The following PHACTR2 variants were observed in gnomAD, a reference collection of about 807,000 sequenced individuals.
PHACTR2 encodes chromosome 6 open reading frame 56.
PHACTR2 carries 30 observed loss-of-function variants against 76.0 expected under a neutral mutation model. The observed-to-expected ratio is 0.39, with a 90% confidence interval of 0.30 to 0.54. PHACTR2 has a LOEUF of 0.54. PHACTR2 is among the 20% of genes least tolerant of loss of function. The pLI is 0.61. For synonymous variants in PHACTR2, 292 were observed against 292.5 expected, an observed-to-expected ratio of 1.00 and a Z score of 0.02; for missense variants, 696 against 781.1, an observed-to-expected ratio of 0.89 and a Z score of 1.30.
At chr6:143,786,611 A>C (rs1343924242) in intron 10 of PHACTR2, among the ~76,000 whole-genome samples, 2 of 152,226 alleles carry the variant, frequency 1.3e-5, no homozygotes, top group Non-Finnish European at 2.9e-5. Context: ...GACTGGGAAG[A>C]AAAAGAGGTT....
rs1261122116 is a variant in PHACTR2, at chr6:143,547,467, C to T, written c.217+10260C>T. Among the ~76,000 whole-genome samples the T allele has an allele frequency of 3.9e-5, 6 of 152,148 alleles. No homozygotes were observed. Among genetic ancestry groups the T allele is most frequent in the African/African-American group, 1.4e-4 (6 of 41,430 alleles). ...CACTGCGTACCTCCAAAATATATAA[C>T]CACACAAGGTCATATGTGCTAACCA... On this transcript the variant is annotated intron_variant, in intron 1 of 11. Transcript: ENST00000367584. The surrounding 1 kb of genome is among the most constrained non-coding windows in gnomAD (Gnocchi z 4.2).
rs1254996674 is a variant in PHACTR2, at chr6:143,653,228, G to C, written c.13+44906G>C. The stretch of plus-strand genomic sequence containing the variant: ...TGTGCATCGAGACTCGAGCTGCTTT[G>C]GAGTTTCCCTCTGGATTTTAGTCAA... On this transcript the variant is annotated intron_variant, in intron 1 of 11. Coordinates refer to the PHACTR2 transcript ENST00000305766. The surrounding 1 kb of genome is among the most constrained non-coding windows in gnomAD (Gnocchi z 4.9). Among the ~76,000 whole-genome samples, 1 of 152,112 alleles carries C rather than the reference G, an allele frequency of 6.6e-6. No individual in the cohort carries two copies. The highest frequency in any genetic ancestry group is 1.5e-5 in the Non-Finnish European group (1 of 68,008).
intron 1 of PHACTR2, among the ~76,000 whole-genome samples, chr6:143,687,994 C>T (rs548713441): frequency 1.3e-5 from 2 of 152,170 alleles, no homozygotes; most frequent in Non-Finnish European, 2.9e-5. Context: ...GCCCACAAAG[C>T]GTCCAGTCTA....
chr6:143,628,010 T>G (rs1262196826), intron 1 of PHACTR2, among the ~76,000 whole-genome samples: 1 of 152,188 alleles, frequency 6.6e-6, no homozygotes, highest in Non-Finnish European at 1.5e-5. Context: ...ATTTACCTAT[T>G]TGGGATATTT....
intron 2 of PHACTR2, among the ~76,000 whole-genome samples, chr6:143,735,988 C>A (rs7738780): frequency 6.6e-6 from 1 of 150,632 alleles, no homozygotes; most frequent in Non-Finnish European, 1.5e-5. Context: ...TGATAACTAA[C>A]TCATTGAGTA....
chr6:143,729,643 A>G (rs1778657546), intron 2 of PHACTR2, among the ~76,000 whole-genome samples: 1 of 152,140 alleles, frequency 6.6e-6, no homozygotes, highest in Non-Finnish European at 1.5e-5. Flanking sequence ...CAATAAGCAT[A>G]TATTGTTCTT....
chr6:143,766,282 G>A (rs1160318863), intron 6 of PHACTR2, among the ~76,000 whole-genome samples: 1 of 152,146 alleles, frequency 6.6e-6, no homozygotes, highest in Admixed American at 6.5e-5. Context: ...CAGCTTAAAT[G>A]TTATGTCCTC....
intron 1 of PHACTR2, among the ~76,000 whole-genome samples, chr6:143,574,377 G>A (rs145142823): frequency 6.6e-6 from 1 of 152,324 alleles, no homozygotes; most frequent in African/African-American, 2.4e-5. Context: ...TCAAGGCTAA[G>A]GGATTGTACA....
At position 143,570,988 on chromosome 6, in the gene PHACTR2, A is replaced by C. The variant is rs935838831; in HGVS notation, c.217+33781A>C. Among the ~76,000 whole-genome samples the C allele has an allele frequency of 6.6e-6, 1 of 152,222 alleles. No individual in the cohort carries two copies. Among genetic ancestry groups the C allele is most frequent in the South Asian group, 2.1e-4 (1 of 4,830 alleles). On this transcript the variant is annotated intron_variant, in intron 1 of 11. Transcript: ENST00000367584. The surrounding 1 kb of genome is among the most constrained non-coding windows in gnomAD (Gnocchi z 4.6). ...TATATTCCTATTTTTCATGAAATTT[A>C]AAAAACTTTCTAATTTAAGATCATT... is the stretch of plus-strand genomic sequence containing the variant.
chr6:143,669,494 T>C (rs1777106037), intron 1 of PHACTR2, among the ~76,000 whole-genome samples: 1 of 152,224 alleles, frequency 6.6e-6, no homozygotes, highest in Non-Finnish European at 1.5e-5. Context: ...CCACTATTAT[T>C]GCATGGGAGT....
intron 1 of PHACTR2, among the ~76,000 whole-genome samples, chr6:143,552,193 G>T (rs1307775018): frequency 6.7e-6 from 1 of 150,166 alleles, no homozygotes; most frequent in Non-Finnish European, 1.5e-5. Flanking sequence ...GCCACAGCTG[G>T]AAAAAAAAAA....
intron 1 of PHACTR2, among the ~76,000 whole-genome samples, chr6:143,552,888 GAAAAAAAAAA>G (rs35606517): frequency 6.0e-5 from 7 of 116,650 alleles, no homozygotes; most frequent in African/African-American, 2.3e-4. Context: ...ATCTCAAAAA[GAAAAAAAAAA>G]AAAAAAAAAA....
intron 11 of PHACTR2, among the ~76,000 whole-genome samples, chr6:143,802,479 A>T (rs947027908): frequency 2.1e-5 from 3 of 145,128 alleles, no homozygotes; most frequent in East Asian, 4.0e-4. Flanking sequence ...ATCTCCACAA[A>T]TTTTTTTTTT....
intron 1 of PHACTR2, among the ~76,000 whole-genome samples, chr6:143,660,424 A>G (rs956219812): frequency 2.0e-5 from 3 of 152,128 alleles, no homozygotes; most frequent in Admixed American, 6.6e-5. Context: ...CATATTCACT[A>G]TCACAAGAAC....
At chr6:143,691,527 T>C (rs1261323168) in intron 1 of PHACTR2, among the ~76,000 whole-genome samples, 1 of 152,216 alleles carries the variant, frequency 6.6e-6, no homozygotes, top group Non-Finnish European at 1.5e-5. Context: ...GTTAATATTA[T>C]AAGCAGCAAA....
chr6:143,682,736 T>C (rs992679910), intron 1 of PHACTR2, among the ~76,000 whole-genome samples: 3 of 151,934 alleles, frequency 2.0e-5, no homozygotes, highest in African/African-American at 7.3e-5. Flanking sequence ...TGTGAGCATT[T>C]TTGTCTTGTT....
chr6:143,790,406 T>C (rs1471881731), intron 11 of PHACTR2, among the ~76,000 whole-genome samples: 2 of 151,994 alleles, frequency 1.3e-5, no homozygotes, highest in East Asian at 1.9e-4. Flanking sequence ...TCAGTACTTA[T>C]GTGAAAGAGG....
chr6:143,656,793 G>A lies in PHACTR2; in HGVS notation c.13+48471G>A, dbSNP rs529868191. On this transcript the variant is annotated intron_variant, in intron 1 of 11. Transcript: ENST00000305766. This position sits in a 1 kb window ranked among gnomAD's most constrained non-coding sequence, Gnocchi z 5.3. ...AGCATGTCTGTTAGTTTTGCAATCCGCAAAAAGATGAACACAATAGACATG... is the reference window on the plus strand; with the variant it reads ...AGCATGTCTGTTAGTTTTGCAATCCACAAAAAGATGAACACAATAGACATG... Among the ~76,000 whole-genome samples, 7 of 152,110 alleles carry A rather than the reference G, an allele frequency of 4.6e-5. No homozygotes were observed. Among genetic ancestry groups the A allele is most frequent in the South Asian group, 2.1e-4 (1 of 4,806 alleles).
In PHACTR2 at chr6:143,539,232, T is replaced by G. The variant is rs1464967817; in HGVS notation, c.217+2025T>G. 6.6e-6 allele frequency among the ~76,000 whole-genome samples: 1 copy of G among 152,232 alleles called. No individual in the cohort carries two copies. Among genetic ancestry groups the G allele is most frequent in the Admixed American group, 6.5e-5 (1 of 15,284 alleles). On this transcript the variant is annotated intron_variant, in intron 1 of 11. Transcript: ENST00000367584. The surrounding 1 kb of genome is among the most constrained non-coding windows in gnomAD (Gnocchi z 4.3). ...GACTCTTTGTCTTTTCTGTGTCCTC[T>G]TAACGGATGCTAGGAAGTGAAACCT...
Sources: gnomAD v4.1 joint callset for allele counts (sites outside exome capture counted in the v4.1 genomes callset) on GRCh38, gnomAD v4.1.1 for gene constraint, Gnocchi (gnomAD v3.1) non-coding constraint, MANE v1.5 for transcripts, NCBI Gene and HGNC (gene_info 2026-07-23, HGNC 2026-07-21) for gene names.